Variants in DEPDC1B observed in about 807,000 individuals in gnomAD.
DEPDC1B encodes the protein DEP domain containing 1B.
DEPDC1B carries 51 observed loss-of-function variants against 66.5 expected under a neutral mutation model. The ratio of observed to expected loss-of-function variants is 0.77; its 90% CI spans 0.61 to 0.97. The LOEUF (loss-of-function observed/expected upper bound fraction) is 0.97, where lower values mean the gene tolerates loss of function less well. Among genes scored for constraint, DEPDC1B ranks in the 50% least tolerant of loss-of-function variants. DEPDC1B has a pLI of 0.00. For synonymous variants in DEPDC1B, 226 were observed against 223.6 expected, an observed-to-expected ratio of 1.01 and a Z score of -0.10; for missense variants, 552 against 637.1, an observed-to-expected ratio of 0.87 and a Z score of 1.44.
At chr5:60,616,979 T>C (rs1752572220) in intron 7 of DEPDC1B, among the ~76,000 whole-genome samples, 1 of 152,160 alleles carries the variant, frequency 6.6e-6, no homozygotes, top group South Asian at 2.1e-4. Context: ...TGGGGACCAA[T>C]ATTCAACATT....
rs867876675 is a variant in DEPDC1B at position 60,688,933 on chromosome 5, G to A, written c.49-1706C>T. On this transcript the variant is annotated intron_variant, in intron 1 of 10. Coordinates refer to ENST00000265036, the MANE Select transcript of DEPDC1B (RefSeq NM_018369.3). ...CCACTTTATTTAGGAACCTCGTTTT[G>A]TCAAATCAAGTACATACTAACTCAC... 4.2e-5 allele frequency: 18 copies of A among 432,562 alleles called. No homozygotes were observed. The Middle Eastern group carries it at 4.0e-3, about 97-fold the overall frequency. The allele number at this position is 432,562 out of a possible 1,614,324, so 26.8% of individuals were successfully genotyped here.
At chr5:60,622,030 T>TAA (rs111806398) in intron 7 of DEPDC1B, among the ~76,000 whole-genome samples, 9 of 149,442 alleles carry the variant, frequency 6.0e-5, no homozygotes, top group African/African-American at 1.7e-4. Context: ...CATGATGCTT[T>TAA]AAAAAAAAAA....
chr5:60,648,255 C>T (rs1162470182), intron 2 of DEPDC1B: 1 of 152,120 alleles, frequency 6.6e-6, no homozygotes, highest in Non-Finnish European at 1.5e-5. Flanking sequence ...TCCTTTACAA[C>T]CTTTATCAGC....
rs192043305 is a variant in DEPDC1B at position 60,639,433 on chromosome 5, A to T, written c.758-543T>A. Among the ~76,000 whole-genome samples the T allele has an allele frequency of 2.2e-3, 330 of 152,326 alleles. 2 individuals carry two copies. The highest frequency in any genetic ancestry group is 7.7e-3 in the African/African-American group (318 of 41,562). ...TTCAGACTAATAAATATTTAAACTT[A>T]AAAAAATCCTTAAAAGGGGATTTTA... On this transcript the variant is annotated intron_variant, in intron 6 of 10. Transcript: ENST00000265036.
At chr5:60,691,353 A>C (rs1754541171) in intron 1 of DEPDC1B, among the ~76,000 whole-genome samples, 1 of 152,042 alleles carries the variant, frequency 6.6e-6, no homozygotes. Flanking sequence ...CACACCCAGC[A>C]CTTTTTCTAC....
At chr5:60,603,196 C>G (rs978454069) in intron 9 of DEPDC1B, among the ~76,000 whole-genome samples, 195 bp downstream of exon 9, 3 of 152,132 alleles carry the variant, frequency 2.0e-5, no homozygotes, top group Non-Finnish European at 4.4e-5. Flanking sequence ...TACACAAAAC[C>G]AAATGTGCAT....
At chr5:60,620,593 C>A (rs1752678470) in intron 7 of DEPDC1B, among the ~76,000 whole-genome samples, 2 of 152,000 alleles carry the variant, frequency 1.3e-5, no homozygotes, top group Admixed American at 1.3e-4. Flanking sequence ...CAATGAGATA[C>A]CATCTCACAC....
Position 60,638,792 on chromosome 5 carries a change from G to A in DEPDC1B, c.856C>T (p.Leu286=). Residue 286 remains leucine, a synonymous_variant, in exon 7 of 11, where the codon CTA becomes TTA. Transcript: ENST00000265036. ...ADYYGHLKEP[L]LTFHLFDAFV... is the part of the protein sequence containing the mutation. ...GCATCAAAAAGATGAAATGTAAGTAGAGGCTCTTTCAAGTGACCATAGTAA... is the reference window on the plus strand; with the variant it reads ...GCATCAAAAAGATGAAATGTAAGTAAAGGCTCTTTCAAGTGACCATAGTAA... 1 of 1,612,304 alleles carries A rather than the reference G, an allele frequency of 6.2e-7. No homozygotes were observed. The highest frequency in any genetic ancestry group is 8.5e-7 in the Non-Finnish European group (1 of 1,179,260).
At chr5:60,658,809 T>C (rs1025088562) in intron 2 of DEPDC1B, among the ~76,000 whole-genome samples, 40 of 151,932 alleles carry the variant, frequency 2.6e-4, no homozygotes, top group Admixed American at 3.3e-4. Flanking sequence ...CTCTATTAAA[T>C]CTTGCAACTG....
chr5:60,668,518 C>T (rs926128660), intron 2 of DEPDC1B, among the ~76,000 whole-genome samples: 1 of 151,692 alleles, frequency 6.6e-6, no homozygotes, highest in Non-Finnish European at 1.5e-5. Flanking sequence ...TCAGGTGATC[C>T]GCCTGCCTCG....
At chr5:60,645,447 G>C (rs918684504) in intron 4 of DEPDC1B, 45 bp downstream of exon 4, 1 of 1,503,618 alleles carries the variant, frequency 6.7e-7, no homozygotes, top group Non-Finnish European at 8.9e-7. Context: ...AGCAAAATAG[G>C]AAACAATATC....
In DEPDC1B at chr5:60,605,757, A is replaced by T; in HGVS notation, c.998T>A (p.Met333Lys). 1 of 1,613,846 alleles carries T rather than the reference A, an allele frequency of 6.2e-7. No homozygotes were observed. Among genetic ancestry groups the T allele is most frequent in the Non-Finnish European group, 8.5e-7 (1 of 1,179,810 alleles). ...TTTGTTTAAGCAAATCCTTGCCATC[A>T]TCCTCATCAATAGCTGTAACTTTCT... The part of the protein sequence containing the change: ...NRRKLQLLMR[M>K]MARICLNKEM... The change falls in exon 8 of 11, where the codon ATG becomes AAG. Residue 333 changes from methionine to lysine, a missense_variant. Coordinates refer to ENST00000265036, the MANE Select transcript of DEPDC1B (RefSeq NM_018369.3).
rs146605387 is a variant in DEPDC1B, at chr5:60,664,851, G to A, written c.315-17318C>T. 7.9e-3 allele frequency among the ~76,000 whole-genome samples: 1,208 copies of A among 152,184 alleles called. 10 individuals are homozygous for A. Among genetic ancestry groups the A allele is most frequent in the South Asian group, 0.018 (87 of 4,814 alleles). ...TATGCTTACCTAGTCCTCCATGCCC[G>A]TGCAACAATATGGAGAGAAAGGGAA... On this transcript the variant is annotated intron_variant, in intron 2 of 10. Transcript: ENST00000265036.
intron 1 of DEPDC1B, among the ~76,000 whole-genome samples, chr5:60,696,242 A>G (rs941948928): frequency 6.6e-6 from 1 of 152,248 alleles, no homozygotes; most frequent in African/African-American, 2.4e-5. Flanking sequence ...AGAATGGATT[A>G]ACTGCTCTAT....
intron 8 of DEPDC1B, among the ~76,000 whole-genome samples, chr5:60,604,562 GT>G (rs2111713804): frequency 6.6e-6 from 1 of 152,012 alleles, no homozygotes; most frequent in Admixed American, 6.6e-5. Context: ...ACTGGCTTTT[GT>G]TTTGTTTTGT....
intron 2 of DEPDC1B, among the ~76,000 whole-genome samples, chr5:60,651,539 AC>A (rs374196686): frequency 1.5e-5 from 2 of 131,264 alleles, no homozygotes; most frequent in South Asian, 5.9e-4. Flanking sequence ...TAAAAAAAAA[AC>A]AAAAAAAACA....
At chr5:60,652,376 T>C (rs1404054773) in intron 2 of DEPDC1B, among the ~76,000 whole-genome samples, 2 of 148,556 alleles carry the variant, frequency 1.3e-5, no homozygotes, top group Non-Finnish European at 2.9e-5. Flanking sequence ...ATTGTGAAAT[T>C]GCAAAAAAAG....
intron 2 of DEPDC1B, among the ~76,000 whole-genome samples, chr5:60,658,284 C>A (rs898973216): frequency 6.6e-6 from 1 of 152,178 alleles, no homozygotes; most frequent in African/African-American, 2.4e-5. Context: ...CTTCACAATT[C>A]TTTTTCTGGC....
At chr5:60,668,121 A>C (rs1753932020) in intron 2 of DEPDC1B, among the ~76,000 whole-genome samples, 1 of 96,184 alleles carries the variant, frequency 1.0e-5, no homozygotes, top group Non-Finnish European at 1.9e-5. Flanking sequence ...TTATATATAT[A>C]TATAAAATGG....
Sources: gnomAD v4.1 joint callset for allele counts (sites outside exome capture counted in the v4.1 genomes callset) on GRCh38, gnomAD v4.1.1 for gene constraint, MANE v1.5 for transcripts, NCBI Gene and HGNC (gene_info 2026-07-23, HGNC 2026-07-21) for gene names.